The following FAM167A variants were observed in gnomAD, a reference collection of about 807,000 sequenced individuals.
FAM167A encodes the protein protein FAM167A.
Under a neutral mutation model 14.9 loss-of-function variants are expected in FAM167A, and 23 were observed. The ratio of observed to expected loss-of-function variants is 1.55; its 90% CI spans 1.11 to 2.19. The LOEUF is 2.19. FAM167A is among the 30% of genes most tolerant of loss of function. The pLI is 0.00. For synonymous variants in FAM167A, 174 were observed against 117.7 expected, an observed-to-expected ratio of 1.48 and a Z score of -3.10; for missense variants, 401 against 281.5, an observed-to-expected ratio of 1.42 and a Z score of -3.04.
Position 11,421,867 on chromosome 8 carries a change from T to C in FAM167A, c.*2506A>G. ...ACGGAGGTTAGGCCAATGTTGCTGC[T>C]GACTCATAGACCCACAGAGAGCAGG... On this transcript the variant is annotated 3_prime_UTR_variant, in exon 3 of 3. Transcript: ENST00000284486. 1 of 394,374 alleles carries C rather than the reference T, an allele frequency of 2.5e-6. No individual in the cohort carries two copies. The highest frequency in any genetic ancestry group is 4.5e-6 in the Non-Finnish European group (1 of 222,880). 24.4% of individuals were successfully genotyped at this position (394,374 alleles called of 1,614,324 possible). A position where few individuals can be genotyped will look rare whatever the true frequency, so the allele number is the denominator to read the frequency against.
rs1430348633 is a variant in FAM167A, at chr8:11,423,230, T to A, written c.*1143A>T. 3 of 152,258 alleles carry A rather than the reference T, an allele frequency of 2.0e-5. No homozygotes were observed. Among genetic ancestry groups the A allele is most frequent in the Non-Finnish European group, 4.4e-5 (3 of 68,028 alleles). The allele number at this position is 152,258 out of a possible 1,614,324, so 9.4% of individuals were successfully genotyped here. A position where few individuals can be genotyped will look rare whatever the true frequency, so the allele number is the denominator to read the frequency against. On this transcript the variant is annotated 3_prime_UTR_variant, in exon 3 of 3. Coordinates refer to ENST00000284486, the MANE Select transcript of FAM167A (RefSeq NM_053279.3). The stretch of plus-strand genomic sequence containing the variant: ...CCTGCCATGCCGTATGACCCCAGAC[T>A]GACCTCCCTAACCTGCTGGGGTCTT...
At chr8:11,427,530 C>G (rs1051798549) in intron 2 of FAM167A, among the ~76,000 whole-genome samples, 2 of 152,186 alleles carry the variant, frequency 1.3e-5, no homozygotes, top group Admixed American at 6.5e-5. Context: ...AAAATGAGCC[C>G]TGAGATGCCC....
intron 1 of FAM167A, among the ~76,000 whole-genome samples, chr8:11,453,814 C>A (rs1371299916): frequency 6.6e-6 from 1 of 152,136 alleles, no homozygotes; most frequent in African/African-American, 2.4e-5. Flanking sequence ...TGGAGCACGT[C>A]TACACCGCAG....
chr8:11,447,792 G>C (rs1034889580), intron 1 of FAM167A, among the ~76,000 whole-genome samples: 1 of 152,246 alleles, frequency 6.6e-6, no homozygotes, highest in African/African-American at 2.4e-5. Flanking sequence ...ATTGCTTCAT[G>C]ACCACTCTGG....
chr8:11,447,980 G>A (rs1027931311), intron 1 of FAM167A, among the ~76,000 whole-genome samples: 2 of 152,190 alleles, frequency 1.3e-5, no homozygotes, highest in East Asian at 1.9e-4. Flanking sequence ...TGGATCACGA[G>A]GTCAAGAGTT....
rs1804957948 is a variant in FAM167A at position 11,424,107 on chromosome 8, G to A, written c.*266C>T. Reference sequence around the variant, plus strand: ...AGGGATGGATTATGGTGGGAACCCAGGTCTCCTTTAACATCTTGGTTGGAG... The same window carrying A: ...AGGGATGGATTATGGTGGGAACCCAAGTCTCCTTTAACATCTTGGTTGGAG... On this transcript the variant is annotated 3_prime_UTR_variant, in exon 3 of 3. Coordinates refer to ENST00000284486, the MANE Select transcript of FAM167A (RefSeq NM_053279.3). The A allele has an allele frequency of 2.2e-6, 1 of 445,506 alleles. No individual in the cohort carries two copies. 27.6% of individuals were successfully genotyped at this position (445,506 alleles called of 1,614,324 possible).
intron 2 of FAM167A, among the ~76,000 whole-genome samples, chr8:11,437,828 CTT>C (rs1806136339): frequency 6.6e-6 from 1 of 152,174 alleles, no homozygotes; most frequent in Admixed American, 6.5e-5. Context: ...TAAGGAGAAA[CTT>C]AATGCAATTA....
chr8:11,423,081 G>A lies in FAM167A; in HGVS notation c.*1292C>T, dbSNP rs573169787. ...TAGCCTAAACAGCTGTGCAACCTGA[G>A]GGAAGTCCTTCTCCTCCCCCAGGTT... is the stretch of plus-strand genomic sequence containing the variant. On this transcript the variant is annotated 3_prime_UTR_variant, in exon 3 of 3. Coordinates refer to ENST00000284486, the MANE Select transcript of FAM167A (RefSeq NM_053279.3). 1 of 152,698 alleles carries A rather than the reference G, an allele frequency of 6.5e-6. No homozygotes were observed. Among genetic ancestry groups the A allele is most frequent in the East Asian group, 1.9e-4 (1 of 5,184 alleles). 9.5% of individuals were successfully genotyped at this position (152,698 alleles called of 1,614,324 possible).
At chr8:11,466,801 T>C (rs1255061584), upstream of FAM167A, 2 of 151,940 alleles carry the variant, frequency 1.3e-5, no homozygotes, top group Non-Finnish European at 2.9e-5. Context: ...CTGCGTTGCG[T>C]CAGGGCGGTT....
upstream of FAM167A, among the ~76,000 whole-genome samples, chr8:11,470,336 G>A (rs558574424): frequency 3.8e-4 from 58 of 152,256 alleles, no homozygotes; most frequent in South Asian, 1.0e-3. Flanking sequence ...CTAGGGAAAG[G>A]GTCAGTGCAG....
intron 1 of FAM167A, chr8:11,445,415 C>G: frequency 1.0e-6 from 1 of 985,756 alleles, no homozygotes; most frequent in Non-Finnish European, 1.2e-6. Context: ...AGAACAACAC[C>G]TTACCTCACC....
At chr8:11,464,345 C>A (rs981119995) in intron 1 of FAM167A, among the ~76,000 whole-genome samples, 1 of 152,152 alleles carries the variant, frequency 6.6e-6, no homozygotes, top group African/African-American at 2.4e-5. Context: ...GGCAACACGG[C>A]CCTCGGTGGC....
chr8:11,459,645 C>T (rs1370640392), intron 1 of FAM167A, among the ~76,000 whole-genome samples: 1 of 152,126 alleles, frequency 6.6e-6, no homozygotes, highest in Non-Finnish European at 1.5e-5. Context: ...GAAGTTCTGC[C>T]ATTAACAACC....
chr8:11,436,667 A>G (rs1299642694), intron 2 of FAM167A, among the ~76,000 whole-genome samples: 1 of 152,206 alleles, frequency 6.6e-6, no homozygotes, highest in Non-Finnish European at 1.5e-5. Flanking sequence ...AGCTTTAGCC[A>G]AGGTGATAAC....
rs74204317 is a variant in FAM167A at position 11,455,611 on chromosome 8, A to T, written c.-397-10803T>A. ...GGGATGGTTGCCTCACCTGAGTGTG[A>T]GTGTGCAGGGTGGTTGCTCTGCTGG... On this transcript the variant is annotated intron_variant, in intron 1 of 2. Coordinates refer to ENST00000284486, the MANE Select transcript of FAM167A (RefSeq NM_053279.3). 9.3e-4 allele frequency among the ~76,000 whole-genome samples: 98 copies of T among 104,908 alleles called. 1 individual carries two copies. The highest frequency in any genetic ancestry group is 1.5e-3 in the Non-Finnish European group (82 of 55,212). The allele number at this position is 104,908 out of a possible 152,430, so 68.8% of individuals were successfully genotyped here.
chr8:11,425,385 G>GT (rs1177137791), intron 2 of FAM167A, among the ~76,000 whole-genome samples: 2 of 152,252 alleles, frequency 1.3e-5, no homozygotes, highest in Non-Finnish European at 1.5e-5. Context: ...TGAGGAAGCC[G>GT]GACAGCTGGA....
intron 2 of FAM167A, chr8:11,438,730 A>G (rs1235501609): frequency 1.1e-5 from 4 of 357,232 alleles, no homozygotes; most frequent in Non-Finnish European, 2.2e-5. Context: ...CCAGATGAAT[A>G]GAACAGGAAT....
At position 11,444,707 on chromosome 8, in the gene FAM167A, C is replaced by T. The variant is rs1806676554; in HGVS notation, c.-296G>A. The T allele has an allele frequency of 1.7e-6, 2 of 1,191,182 alleles. No homozygotes were observed. Among genetic ancestry groups the T allele is most frequent in the South Asian group, 3.0e-5 (1 of 32,998 alleles). The allele number at this position is 1,191,182 out of a possible 1,614,324, so 73.8% of individuals were successfully genotyped here. A position where few individuals can be genotyped will look rare whatever the true frequency, so the allele number is the denominator to read the frequency against. ...CAGCGTCGCAGGAATCTCGGGGCAG[C>T]CTGTGCCAAGGTCTATCTGTCCTGA... On this transcript the variant is annotated 5_prime_UTR_variant, in exon 2 of 3. Coordinates refer to ENST00000284486, the MANE Select transcript of FAM167A (RefSeq NM_053279.3).
At chr8:11,469,881 AAAATAAAT>A (rs140444831), upstream of FAM167A, among the ~76,000 whole-genome samples, 5,811 of 122,516 alleles carry the variant, frequency 0.047, 140 homozygotes, top group Non-Finnish European at 0.064. Context: ...CCCTGTCTCA[AAAATAAAT>A]AAATAAATAA....
Sources: gnomAD v4.1 joint callset for allele counts (sites outside exome capture counted in the v4.1 genomes callset) on GRCh38, gnomAD v4.1.1 for gene constraint, MANE v1.5 for transcripts, NCBI Gene and HGNC (gene_info 2026-07-23, HGNC 2026-07-21) for gene names.